The following RYR3 variants were observed in gnomAD, a reference collection of about 807,000 sequenced individuals.
RYR3 encodes the protein brain ryanodine receptor-calcium release channel.
In RYR3, 207 loss-of-function variants were observed where a neutral mutation model predicts 584.3. The ratio of observed to expected loss-of-function variants is 0.35; its 90% CI spans 0.32 to 0.40. The LOEUF (loss-of-function observed/expected upper bound fraction) is 0.40. Ranked by LOEUF, RYR3 falls within the 10% of genes least tolerant of loss-of-function variation. The probability of loss-of-function intolerance (pLI) is 1.00; values close to 1 mark genes in which losing one functional copy is unlikely to be tolerated. For synonymous variants in RYR3, 2,416 were observed against 2,248.5 expected (o/e 1.07, Z -2.11); for missense variants, 5,616 against 6,089.2 (o/e 0.92, Z 2.59).
At chr15:33,321,435 T>C (rs542395132) in intron 1 of RYR3, among the ~76,000 whole-genome samples, 292 of 152,304 alleles carry the variant, frequency 1.9e-3, no homozygotes, top group African/African-American at 6.7e-3. Context: ...CCATCCTTTT[T>C]CCCTCTGCTT....
At position 33,390,655 on chromosome 15, in the gene RYR3, C is replaced by T. The variant is rs1280546756; in HGVS notation, c.51+79559C>T. 6.6e-6 allele frequency among the ~76,000 whole-genome samples: 1 copy of T among 152,126 alleles called. No homozygotes were observed. The highest frequency in any genetic ancestry group is 1.5e-5 in the Non-Finnish European group (1 of 68,034). ...CGACACCTGGGAACTTGGTACTTGTCCCATTCTCTAAGAAATCAGAGTGGT... is the reference window on the plus strand; with the variant it reads ...CGACACCTGGGAACTTGGTACTTGTTCCATTCTCTAAGAAATCAGAGTGGT... On this transcript the variant is annotated intron_variant, in intron 1 of 103. Transcript: ENST00000634891. This position sits in a 1 kb window ranked among gnomAD's most constrained non-coding sequence, Gnocchi z 4.2.
At chr15:33,319,534 CT>C (rs1968665212) in intron 1 of RYR3, among the ~76,000 whole-genome samples, 1 of 152,222 alleles carries the variant, frequency 6.6e-6, no homozygotes, top group Non-Finnish European at 1.5e-5. Context: ...CAGATCTCAT[CT>C]CTTTGCAAGA....
At chr15:33,391,081 C>G (rs574346191) in intron 1 of RYR3, among the ~76,000 whole-genome samples, 1 of 152,244 alleles carries the variant, frequency 6.6e-6, no homozygotes, top group East Asian at 1.9e-4. Context: ...TGAGAGTAAT[C>G]TTTGGGATCC....
At chr15:33,657,225 A>C (rs1444448695) in intron 32 of RYR3, among the ~76,000 whole-genome samples, 2 of 152,206 alleles carry the variant, frequency 1.3e-5, no homozygotes, top group African/African-American at 4.8e-5. Flanking sequence ...CAAAGCACTT[A>C]CTTTCTGCAG....
chr15:33,420,447 G>A (rs2044160450), intron 1 of RYR3, among the ~76,000 whole-genome samples: 1 of 152,190 alleles, frequency 6.6e-6, no homozygotes, highest in African/African-American at 2.4e-5. Context: ...ACATAGAAGA[G>A]CAAGGTGAAT....
intron 31 of RYR3, among the ~76,000 whole-genome samples, chr15:33,650,737 T>A (rs1414376300): frequency 1.3e-5 from 2 of 152,220 alleles, no homozygotes; most frequent in Non-Finnish European, 2.9e-5. Flanking sequence ...ACGTGAGTTT[T>A]GCACTCTGTG....
chr15:33,588,872 G>A (rs886354219), intron 16 of RYR3, among the ~76,000 whole-genome samples: 1 of 151,922 alleles, frequency 6.6e-6, no homozygotes, highest in Admixed American at 6.6e-5. Flanking sequence ...GGATATGTAC[G>A]TTCGTTCCAT....
rs1248089419 is a variant in RYR3 at position 33,720,703 on chromosome 15, A to AAGT, written c.6620-2011_6620-2010insGTA. Among the ~76,000 whole-genome samples, 6 of 152,286 alleles carry AAGT rather than the reference A, an allele frequency of 3.9e-5. No homozygotes were observed. The South Asian group carries it at 8.3e-4, about 21-fold the overall frequency. On this transcript the variant is annotated intron_variant, in intron 43 of 103. Coordinates refer to ENST00000634891, the MANE Select transcript of RYR3 (RefSeq NM_001036.6). ...ACATGGTGAAACCCTGTCTTTACAA[A>AAGT]AAAGTACAACAACAACAAAAATTAG...
chr15:33,435,572 C>G (rs901962731), intron 1 of RYR3, among the ~76,000 whole-genome samples: 5 of 152,210 alleles, frequency 3.3e-5, no homozygotes, highest in African/African-American at 1.2e-4. Context: ...GTCAAATGGG[C>G]TATATGCCTC....
At chr15:33,531,930 T>C (rs2054911093) in intron 4 of RYR3, among the ~76,000 whole-genome samples, 1 of 152,160 alleles carries the variant, frequency 6.6e-6, no homozygotes, top group Admixed American at 6.5e-5. Context: ...AAAAGCATAC[T>C]TCTTATGGCT....
At chr15:33,791,676 A>G (rs1057265860) in intron 67 of RYR3, among the ~76,000 whole-genome samples, 2 of 152,184 alleles carry the variant, frequency 1.3e-5, no homozygotes, top group African/African-American at 4.8e-5. Flanking sequence ...AGCCAAATTC[A>G]GCTGTCAGAT....
intron 70 of RYR3, among the ~76,000 whole-genome samples, chr15:33,809,391 C>T (rs1336163697): frequency 6.6e-6 from 1 of 152,204 alleles, no homozygotes; most frequent in Non-Finnish European, 1.5e-5. Context: ...CTCCCCACTT[C>T]CAGCAAGTGC....
intron 97 of RYR3, 30 bp from the exon 98 acceptor site, chr15:33,854,736 G>C (rs1371537745): frequency 1.9e-6 from 3 of 1,582,122 alleles, no homozygotes; most frequent in Non-Finnish European, 2.6e-6. Flanking sequence ...AGGCAAACAT[G>C]CTTAAAAGTC....
intron 1 of RYR3, among the ~76,000 whole-genome samples, chr15:33,384,431 A>T (rs2041422932): frequency 1.4e-5 from 2 of 148,078 alleles, no homozygotes; most frequent in African/African-American, 2.5e-5. Flanking sequence ...TTTTTTGGTC[A>T]TTATTATTTT....
chr15:33,446,704 G>T (rs1271357318), intron 1 of RYR3, among the ~76,000 whole-genome samples: 3 of 152,166 alleles, frequency 2.0e-5, no homozygotes, highest in Admixed American at 2.0e-4. Flanking sequence ...GGTACTCTGG[G>T]TGTTAGGACT....
At chr15:33,354,860 A>G (rs924172665) in intron 1 of RYR3, among the ~76,000 whole-genome samples, 1 of 152,172 alleles carries the variant, frequency 6.6e-6, no homozygotes, top group African/African-American at 2.4e-5. Flanking sequence ...GGCAGCATTC[A>G]TCATGAATTA....
At chr15:33,521,098 T>G (rs2053947672) in intron 3 of RYR3, among the ~76,000 whole-genome samples, 1 of 149,044 alleles carries the variant, frequency 6.7e-6, no homozygotes, top group African/African-American at 2.4e-5. Flanking sequence ...CCAGGGGATC[T>G]TCCTACGGCT....
At position 33,818,655 on chromosome 15, in the gene RYR3, T is replaced by C; in HGVS notation, c.10677T>C (p.Tyr3559=). The change falls in exon 76 of 104, where the codon TAT becomes TAC. Residue 3559 remains tyrosine (Y), a synonymous_variant. Transcript: ENST00000634891. ...ACCCACTACATCAGATCATTCTCTA[T>C]TTTAGCCGCAACGCTCTCACGGAGA... ...QPDPLHQIIL[Y]FSRNALTERS... 6.2e-7 allele frequency: 1 copy of C among 1,613,884 alleles called. No individual in the cohort carries two copies. Among genetic ancestry groups the C allele is most frequent in the South Asian group, 1.1e-5 (1 of 91,058 alleles).
chr15:33,770,183 C>T (rs1004148016), intron 62 of RYR3, among the ~76,000 whole-genome samples: 2 of 150,046 alleles, frequency 1.3e-5, no homozygotes, highest in African/African-American at 2.4e-5. Flanking sequence ...CCTCCTAAGA[C>T]CCAATGCAAA....
Sources: allele counts gnomAD v4.1 joint callset (sites outside exome capture counted in the v4.1 genomes callset), GRCh38; gene constraint gnomAD v4.1.1; non-coding constraint Gnocchi (gnomAD v3.1); transcripts MANE v1.5; gene names NCBI Gene and HGNC (gene_info 2026-07-23, HGNC 2026-07-21).